DMD: variants seen among roughly 807,000 people sequenced by gnomAD.
The protein encoded by DMD is mutant dystrophin.
A neutral mutation model predicts 330.1 loss-of-function variants in DMD; 63 were observed. The observed-to-expected ratio is 0.19, with a 90% CI of 0.16 to 0.24. DMD has a LOEUF of 0.24. DMD is among the 10% of genes least tolerant of loss of function. The probability of loss-of-function intolerance (pLI) is 1.00; values close to 1 mark genes in which losing one functional copy is unlikely to be tolerated. For missense variants in DMD, 3,344 were observed against 2,684.1 expected (o/e 1.25, Z -5.43); for synonymous variants, 1,223 against 959.8 (o/e 1.27, Z -5.07).
intron 55 of DMD, among the ~76,000 whole-genome samples, chrX:31,576,975 A>G (rs949456455): frequency 9.0e-5 from 10 of 111,158 alleles, no homozygotes; most frequent in South Asian, 3.8e-4. Flanking sequence ...TCGGCCTCCC[A>G]AAGTGCTGGG....
At chrX:31,524,993 A>G (rs2073134979) in intron 55 of DMD, among the ~76,000 whole-genome samples, 1 of 112,195 alleles carries the variant, frequency 8.9e-6, no homozygotes, top group South Asian at 3.7e-4. Flanking sequence ...TTTCTTCTTC[A>G]CTGTAAAATC....
chrX:31,571,413 C>A (rs866086664), intron 55 of DMD, among the ~76,000 whole-genome samples: 1 of 108,801 alleles, frequency 9.2e-6, no homozygotes, highest in Admixed American at 9.9e-5. Flanking sequence ...TATTAATCTT[C>A]TAACATTACC....
chrX:32,302,859 C>T (rs2097528235), intron 42 of DMD, among the ~76,000 whole-genome samples: 1 of 110,880 alleles, frequency 9.0e-6, no homozygotes, highest in South Asian at 3.7e-4. Flanking sequence ...GATTTAATTT[C>T]AACGTTAAAA....
At chrX:32,196,986 C>CAAAAAAAAAAAAAAAAAAAAAAAA (rs71872245) in intron 44 of DMD, among the ~76,000 whole-genome samples, 2 of 49,636 alleles carry the variant, frequency 4.0e-5, no homozygotes, top group African/African-American at 9.7e-5. Flanking sequence ...GACTCCATCT[C>CAAAAAAAAAAAAAAAAAAAAAAAA]AAAAAAAAAA....
intron 11 of DMD, among the ~76,000 whole-genome samples, chrX:32,616,938 T>A (rs2057629693): frequency 9.1e-6 from 1 of 109,778 alleles, no homozygotes; most frequent in African/African-American, 3.3e-5. Flanking sequence ...ATCTGTGAAC[T>A]ACCTCTTCAA....
At chrX:33,166,008 T>G (rs1184485032) in intron 1 of DMD, among the ~76,000 whole-genome samples, 1 of 111,271 alleles carries the variant, frequency 9.0e-6, no homozygotes, top group East Asian at 2.8e-4. Context: ...TGATGTTGTT[T>G]TGGCAACAGA....
chrX:31,840,709 C>CTGT (rs1374211565), intron 48 of DMD, among the ~76,000 whole-genome samples: 2 of 110,247 alleles, frequency 1.8e-5, no homozygotes, highest in Non-Finnish European at 3.8e-5. Flanking sequence ...ATTTTTATAA[C>CTGT]TGTTATGGTG....
chrX:32,688,042 G>C (rs1312513808), intron 9 of DMD, among the ~76,000 whole-genome samples: 1 of 111,605 alleles, frequency 9.0e-6, no homozygotes, highest in Non-Finnish European at 1.9e-5. Context: ...CCTAAAGAAG[G>C]CATACTGCAT....
chrX:32,838,081 A>C (rs1871013873), intron 4 of DMD, among the ~76,000 whole-genome samples: 1 of 111,776 alleles, frequency 8.9e-6, no homozygotes, highest in Non-Finnish European at 1.9e-5. Context: ...TAAACTTGAC[A>C]GTGGTGAATT....
chrX:32,959,544 T>A (rs1490596875), intron 2 of DMD, among the ~76,000 whole-genome samples: 1 of 111,387 alleles, frequency 9.0e-6, no homozygotes, highest in Admixed American at 9.6e-5. Flanking sequence ...AATATCGGGC[T>A]ACATCTCTCC....
At chrX:33,038,509 G>C (rs964460654) in intron 1 of DMD, among the ~76,000 whole-genome samples, 1 of 111,799 alleles carries the variant, frequency 8.9e-6, no homozygotes, top group Non-Finnish European at 1.9e-5. Flanking sequence ...GGCATTGGTA[G>C]ACATCTCACT....
chrX:31,640,871 G>C (rs1351952947), intron 54 of DMD, among the ~76,000 whole-genome samples: 1 of 112,215 alleles, frequency 8.9e-6, no homozygotes, highest in Non-Finnish European at 1.9e-5. Flanking sequence ...AAGTGACAAG[G>C]TAACCATGCT....
intron 22 of DMD, 128 bp from the exon 23 acceptor site, chrX:32,468,838 A>G (rs2040326015): frequency 1.8e-6 from 1 of 541,563 alleles, no homozygotes; most frequent in Admixed American, 3.6e-5. Context: ...ATCTTCTATC[A>G]GTTATAAACT....
intron 7 of DMD, among the ~76,000 whole-genome samples, chrX:32,732,785 C>G (rs1264932765): frequency 9.1e-6 from 1 of 110,068 alleles, no homozygotes; most frequent in Non-Finnish European, 1.9e-5. Flanking sequence ...AAAGGAACAA[C>G]CGGTACCAGC....
At chrX:31,289,554 A>G (rs1170031477) in intron 62 of DMD, among the ~76,000 whole-genome samples, 1 of 110,960 alleles carries the variant, frequency 9.0e-6, no homozygotes, top group African/African-American at 3.3e-5. Context: ...TGTCTCCTCT[A>G]TGAACTTCAT....
chrX:31,584,053 C>A (rs1050748329), intron 55 of DMD, among the ~76,000 whole-genome samples: 3 of 108,202 alleles, frequency 2.8e-5, no homozygotes, highest in Non-Finnish European at 5.7e-5. Flanking sequence ...ATGATGGTTT[C>A]CAGCTTCATC....
At chrX:32,553,024 G>GA (rs2049756273) in intron 16 of DMD, among the ~76,000 whole-genome samples, 1 of 111,627 alleles carries the variant, frequency 9.0e-6, no homozygotes, top group Non-Finnish European at 1.9e-5. Context: ...CCCAAACAAC[G>GA]AAAACCAGAA....
rs1042981379 is a variant in DMD, at chrX:31,177,962, G to T, written c.10232C>A (p.Thr3411Asn). ...LEGDNMETPV[T>N]LINFWPVDSA... is the part of the protein sequence containing the mutation. Reference sequence around the variant, plus strand: ...ATCTACTGGCCAGAAGTTGATCAGAGTAACGGGACTGCAAAACAAAAAATG... The same window carrying T: ...ATCTACTGGCCAGAAGTTGATCAGATTAACGGGACTGCAAAACAAAAAATG... Residue 3411 changes from threonine to asparagine, a missense_variant, in exon 71 of 79, where the codon ACT becomes AAT. Physicochemically the swap from Thr to Asn is moderately conservative, Grantham distance 65. Coordinates refer to ENST00000357033, the MANE Select transcript of DMD (RefSeq NM_004006.3). 3.9e-5 allele frequency: 47 copies of T among 1,207,403 alleles called. No homozygotes were observed. The highest frequency in any genetic ancestry group is 5.2e-5 in the Non-Finnish European group (46 of 892,791).
At chrX:33,069,869 T>C (rs768028324) in intron 1 of DMD, among the ~76,000 whole-genome samples, 1 of 111,945 alleles carries the variant, frequency 8.9e-6, no homozygotes, top group Admixed American at 9.6e-5. Flanking sequence ...TTCTCTACTA[T>C]AGTATCTCTT....
Sources: allele counts gnomAD v4.1 joint callset (sites outside exome capture counted in the v4.1 genomes callset), GRCh38; gene constraint gnomAD v4.1.1; transcripts MANE v1.5; gene names NCBI Gene and HGNC (gene_info 2026-07-23, HGNC 2026-07-21).